MEMO1: variants seen among roughly 807,000 people sequenced by gnomAD.
The protein encoded by MEMO1 is mediator of cell motility 1, also known as protein MEMO1.
Under a neutral mutation model 45.2 loss-of-function variants are expected in MEMO1, and 6 were observed. That is an observed-to-expected ratio of 0.13 (90% CI 0.07 to 0.26). MEMO1 has a LOEUF of 0.26. MEMO1 is among the 10% of genes least tolerant of loss of function. The pLI is 1.00. For synonymous variants in MEMO1, 78 were observed against 124.3 expected, an observed-to-expected ratio of 0.63 and a Z score of 2.48; for missense variants, 184 against 370.5, an observed-to-expected ratio of 0.50 and a Z score of 4.13.
intron 2 of MEMO1, among the ~76,000 whole-genome samples, chr2:31,961,596 C>G (rs1045577829): frequency 6.7e-6 from 1 of 149,306 alleles, no homozygotes; most frequent in Non-Finnish European, 1.5e-5. Flanking sequence ...GACTCTGTCT[C>G]TATAAAAAAT....
chr2:31,928,977 T>C (rs1164985743), intron 4 of MEMO1, among the ~76,000 whole-genome samples: 5 of 152,198 alleles, frequency 3.3e-5, no homozygotes, highest in Non-Finnish European at 7.4e-5. Flanking sequence ...CCAGTAACTA[T>C]ATACATTTTT....
chr2:31,967,394 G>A (rs1300826210), intron 2 of MEMO1, among the ~76,000 whole-genome samples: 1 of 152,190 alleles, frequency 6.6e-6, no homozygotes, highest in Non-Finnish European at 1.5e-5. Flanking sequence ...AAAGTGCTGG[G>A]ATTACAGGCG....
At chr2:31,995,785 C>A (rs1356533303) in intron 2 of MEMO1, among the ~76,000 whole-genome samples, 2 of 151,714 alleles carry the variant, frequency 1.3e-5, no homozygotes, top group Non-Finnish European at 2.9e-5. Context: ...ATCTAAGAAT[C>A]ACAGTAAGCC....
At chr2:31,983,725 C>T (rs1258310379) in intron 2 of MEMO1, among the ~76,000 whole-genome samples, 7 of 152,288 alleles carry the variant, frequency 4.6e-5, no homozygotes, top group African/African-American at 1.4e-4. Flanking sequence ...TGAGCCACCG[C>T]GCCCGGCCCC....
At chr2:31,927,618 G>A (rs546850835) in intron 4 of MEMO1, among the ~76,000 whole-genome samples, 1 of 145,652 alleles carries the variant, frequency 6.9e-6, no homozygotes, top group African/African-American at 2.5e-5. Context: ...TAGTAAAACT[G>A]TAAGACATTT....
chr2:31,884,234 A>G (rs149206391), intron 7 of MEMO1, among the ~76,000 whole-genome samples: 314 of 152,316 alleles, frequency 2.1e-3, no homozygotes, highest in African/African-American at 6.9e-3. Flanking sequence ...TACTAGTTAC[A>G]TGAAAATCAA....
chr2:31,869,686 CA>C (rs1467957806), intron 9 of MEMO1, among the ~76,000 whole-genome samples, 161 bp downstream of exon 9: 1 of 151,826 alleles, frequency 6.6e-6, no homozygotes, highest in Non-Finnish European at 1.5e-5. Flanking sequence ...TAACTTTATT[CA>C]AGTAACCAAA....
At chr2:31,887,634 T>G (rs1037252297) in intron 7 of MEMO1, among the ~76,000 whole-genome samples, 1 of 152,168 alleles carries the variant, frequency 6.6e-6, no homozygotes, top group Non-Finnish European at 1.5e-5. Flanking sequence ...AGGTAATCTC[T>G]TTTAAAAGCT....
At chr2:31,956,032 T>C (rs1469602446) in intron 2 of MEMO1, among the ~76,000 whole-genome samples, 1 of 152,178 alleles carries the variant, frequency 6.6e-6, no homozygotes, top group South Asian at 2.1e-4. Context: ...GAGGGAAATA[T>C]AAATCTGGAC....
chr2:31,868,600 T>A (rs571129697), intron 9 of MEMO1, 108 bp from the exon 10 acceptor site: 1 of 1,001,324 alleles, frequency 1.0e-6, no homozygotes, highest in East Asian at 3.2e-5. Flanking sequence ...CTAGATTATC[T>A]CTTTTGCTCT....
intron 8 of MEMO1, among the ~76,000 whole-genome samples, chr2:31,878,200 T>A (rs1194121482): frequency 6.6e-6 from 1 of 152,122 alleles, no homozygotes; most frequent in African/African-American, 2.4e-5. Flanking sequence ...GTAAGGAGAT[T>A]AGTGTGTCCA....
At chr2:31,993,201 T>C (rs1490958269) in intron 2 of MEMO1, among the ~76,000 whole-genome samples, 3 of 152,026 alleles carry the variant, frequency 2.0e-5, no homozygotes, top group Non-Finnish European at 4.4e-5. Flanking sequence ...TATGAAAACA[T>C]GCTCAACCTC....
At chr2:31,923,684 A>G in intron 4 of MEMO1, 2 of 1,548,598 alleles carry the variant, frequency 1.3e-6, no homozygotes, top group Non-Finnish European at 1.7e-6. Context: ...TGAGGAAAAT[A>G]TGAAAAGACA....
chr2:31,972,799 T>C (rs1669564324), intron 2 of MEMO1, among the ~76,000 whole-genome samples: 1 of 152,236 alleles, frequency 6.6e-6, no homozygotes, highest in Non-Finnish European at 1.5e-5. Flanking sequence ...ACAGAACTCT[T>C]ACAACTCAAC....
At chr2:31,977,968 AAAAC>A (rs1670199152) in intron 2 of MEMO1, among the ~76,000 whole-genome samples, 1 of 152,214 alleles carries the variant, frequency 6.6e-6, no homozygotes, top group African/African-American at 2.4e-5. Flanking sequence ...ATGCTTTATT[AAAAC>A]AAACAATATG....
chr2:31,986,484 T>A (rs1671278444), intron 2 of MEMO1, among the ~76,000 whole-genome samples: 1 of 151,982 alleles, frequency 6.6e-6, no homozygotes, highest in African/African-American at 2.4e-5. Context: ...AAAAAAATAA[T>A]AATAATAATA....
At chr2:31,936,896 T>C (rs994032173) in intron 3 of MEMO1, among the ~76,000 whole-genome samples, 2 of 152,126 alleles carry the variant, frequency 1.3e-5, no homozygotes, top group East Asian at 1.9e-4. Context: ...AATAAAAAGA[T>C]TGAACTAGAT....
At chr2:31,904,582 C>T (rs769456860) in intron 6 of MEMO1, among the ~76,000 whole-genome samples, 1 of 152,180 alleles carries the variant, frequency 6.6e-6, no homozygotes. Flanking sequence ...CAATAGGGTT[C>T]ACACTCCTAT....
intron 6 of MEMO1, among the ~76,000 whole-genome samples, chr2:31,895,738 C>T (rs13015829): frequency 6.6e-6 from 1 of 151,188 alleles, no homozygotes; most frequent in Non-Finnish European, 1.5e-5. Context: ...ACCTACAGAT[C>T]TAAGAAATTC....
Sources: gnomAD v4.1 joint callset for allele counts (sites outside exome capture counted in the v4.1 genomes callset) on GRCh38, gnomAD v4.1.1 for gene constraint, MANE v1.5 for transcripts, NCBI Gene and HGNC (gene_info 2026-07-23, HGNC 2026-07-21) for gene names.